SOX5: variants seen among roughly 807,000 people sequenced by gnomAD.
SOX5 encodes SRY-box transcription factor 5, also known as transcription factor SOX-5.
A neutral mutation model predicts 92.0 loss-of-function variants in SOX5; 9 were observed. The observed-to-expected ratio is 0.10, with a 90% CI of 0.06 to 0.17. The LOEUF (loss-of-function observed/expected upper bound fraction) is 0.17. Among genes scored for constraint, SOX5 ranks in the 10% least tolerant of loss-of-function variants. The probability of loss-of-function intolerance (pLI) is 1.00; values close to 1 mark genes in which losing one functional copy is unlikely to be tolerated. For missense variants in SOX5, 642 were observed against 944.5 expected (o/e 0.68, Z 4.20); for synonymous variants, 344 against 336.3 (o/e 1.02, Z -0.25).
At chr12:23,977,462 G>A (rs187743589) in intron 4 of SOX5, among the ~76,000 whole-genome samples, 1 of 152,160 alleles carries the variant, frequency 6.6e-6, no homozygotes, top group Non-Finnish European at 1.5e-5. Flanking sequence ...TTGAGGCCAG[G>A]AGTTCAAGGT....
chr12:23,897,130 G>C (rs1472735193), intron 1 of SOX5, among the ~76,000 whole-genome samples: 1 of 152,100 alleles, frequency 6.6e-6, no homozygotes, highest in African/African-American at 2.4e-5. Context: ...CAAACAAAGA[G>C]TGTTTACAAA....
intron 1 of SOX5, among the ~76,000 whole-genome samples, chr12:23,899,689 T>C (rs935211619): frequency 6.6e-6 from 1 of 152,210 alleles, no homozygotes; most frequent in Non-Finnish European, 1.5e-5. Flanking sequence ...TTAGCTCACT[T>C]TGTGGTCAAA....
At chr12:24,163,134 T>C (rs1410159891) in intron 4 of SOX5, among the ~76,000 whole-genome samples, 1 of 152,150 alleles carries the variant, frequency 6.6e-6, no homozygotes, top group Non-Finnish European at 1.5e-5. Context: ...CAGAGAAGGA[T>C]AGTCCTGGAA....
intron 9 of SOX5, chr12:23,582,188 CCTTT>C (rs1455727022): frequency 1.0e-6 from 1 of 985,160 alleles, no homozygotes; most frequent in East Asian, 1.1e-4. Flanking sequence ...CAGCACTCAT[CCTTT>C]CTCTTTCGTC....
At chr12:23,879,524 C>T (rs945102310) in intron 2 of SOX5, among the ~76,000 whole-genome samples, 2 of 152,086 alleles carry the variant, frequency 1.3e-5, no homozygotes, top group South Asian at 4.1e-4. Flanking sequence ...AAGCAAACTG[C>T]CTTGACATTA....
chr12:23,567,033 C>T (rs532550935), intron 10 of SOX5, among the ~76,000 whole-genome samples: 2 of 152,256 alleles, frequency 1.3e-5, no homozygotes, highest in South Asian at 4.1e-4. Flanking sequence ...TGTTAGACTC[C>T]TTTCTTTACT....
intron 4 of SOX5, among the ~76,000 whole-genome samples, chr12:24,044,989 G>A (rs1352316628): frequency 6.6e-6 from 1 of 152,132 alleles, no homozygotes; most frequent in Non-Finnish European, 1.5e-5. Context: ...TCAGAAGTCT[G>A]GATATGCTTC....
intron 1 of SOX5, among the ~76,000 whole-genome samples, chr12:24,482,532 T>C (rs547642732): frequency 6.6e-6 from 1 of 152,286 alleles, no homozygotes; most frequent in South Asian, 2.1e-4. Flanking sequence ...GAATGTTAGA[T>C]CTCCTAAGAA....
chr12:23,917,960 G>C (rs1176554418), intron 1 of SOX5, among the ~76,000 whole-genome samples: 1 of 152,104 alleles, frequency 6.6e-6, no homozygotes, highest in Non-Finnish European at 1.5e-5. Flanking sequence ...AATTCTTCAT[G>C]ATATGGTAAC....
intron 1 of SOX5, among the ~76,000 whole-genome samples, chr12:24,374,410 G>A (rs183479644): frequency 6.6e-6 from 1 of 152,164 alleles, no homozygotes; most frequent in Non-Finnish European, 1.5e-5. Context: ...GATTGACTGA[G>A]TTAAAGTTGG....
In SOX5 at chr12:23,640,984, C is replaced by G. The variant is rs553559429; in HGVS notation, c.932-87G>C. ...CTCATGCATTCACTCTTTCCAAAAG[C>G]CTTCTTTTGTGTGCCTTGCTGAGGC... On this transcript the variant is annotated intron_variant, in intron 7 of 14. Transcript: ENST00000451604. The G allele has an allele frequency of 3.3e-6, 3 of 900,482 alleles. No individual in the cohort carries two copies. The South Asian group carries it at 4.6e-5, about 14-fold the overall frequency. 55.8% of individuals were successfully genotyped at this position (900,482 alleles called of 1,614,324 possible). A position where few individuals can be genotyped will look rare whatever the true frequency, so the allele number is the denominator to read the frequency against.
intron 4 of SOX5, among the ~76,000 whole-genome samples, chr12:23,975,614 T>C (rs1948812816): frequency 6.6e-6 from 1 of 152,180 alleles, no homozygotes; most frequent in South Asian, 2.1e-4. Context: ...AGAGCCAAAC[T>C]ATCTGGGATT....
chr12:23,681,800 G>T (rs2086669612), intron 6 of SOX5, among the ~76,000 whole-genome samples: 1 of 151,618 alleles, frequency 6.6e-6, no homozygotes, highest in Non-Finnish European at 1.5e-5. Flanking sequence ...AATTATAATT[G>T]TATATTTTAA....
intron 3 of SOX5, among the ~76,000 whole-genome samples, chr12:23,798,368 A>G (rs764163730): frequency 2.4e-4 from 36 of 152,092 alleles, no homozygotes; most frequent in Middle Eastern, 3.4e-3. Flanking sequence ...CATTTGAAAC[A>G]CTGCAAATTA....
chr12:24,080,371 T>C (rs950178764), intron 4 of SOX5, among the ~76,000 whole-genome samples: 1 of 152,010 alleles, frequency 6.6e-6, no homozygotes, highest in Non-Finnish European at 1.5e-5. Context: ...AAATTAAAAT[T>C]TGACATTAAC....
chr12:24,160,553 A>G (rs1279221713), intron 4 of SOX5, among the ~76,000 whole-genome samples: 1 of 152,060 alleles, frequency 6.6e-6, no homozygotes, highest in African/African-American at 2.4e-5. Flanking sequence ...TAGAAGTGAT[A>G]TTCTGTTATT....
intron 4 of SOX5, among the ~76,000 whole-genome samples, chr12:24,037,558 G>A (rs1956159761): frequency 6.6e-6 from 1 of 152,100 alleles, no homozygotes; most frequent in African/African-American, 2.4e-5. Context: ...GTTGGAGAAA[G>A]TGGGTAAGGA....
At chr12:24,073,298 C>T (rs1342189711) in intron 4 of SOX5, among the ~76,000 whole-genome samples, 1 of 152,174 alleles carries the variant, frequency 6.6e-6, no homozygotes, top group African/African-American at 2.4e-5. Context: ...CAATAAACAT[C>T]TTGTAAAAGA....
intron 4 of SOX5, among the ~76,000 whole-genome samples, chr12:23,749,256 C>A (rs569292031): frequency 1.0e-3 from 158 of 151,892 alleles, no homozygotes; most frequent in African/African-American, 3.6e-3. Flanking sequence ...TATAGATACC[C>A]GTCAGAAGTT....
Sources: allele counts gnomAD v4.1 joint callset (sites outside exome capture counted in the v4.1 genomes callset), GRCh38; gene constraint gnomAD v4.1.1; transcripts MANE v1.5; gene names NCBI Gene and HGNC (gene_info 2026-07-23, HGNC 2026-07-21).